Variants in SERPINB12 observed in about 807,000 individuals in gnomAD.
SERPINB12 encodes the protein serpin family B member 12, also known as serpin B12.
In SERPINB12, 57 loss-of-function variants were observed where a neutral mutation model predicts 41.1. The observed-to-expected ratio is 1.39, with a 90% CI of 1.12 to 1.73. SERPINB12 has a LOEUF of 1.73. SERPINB12 is among the 40% of genes most tolerant of loss of function. SERPINB12 has a pLI of 0.00. For missense variants in SERPINB12, 536 were observed against 501.9 expected (o/e 1.07, Z -0.65); for synonymous variants, 180 against 181.3 (o/e 0.99, Z 0.06).
the SERPINB12 span, among the ~76,000 whole-genome samples, chr18:63,528,698 T>C: frequency 6.6e-6 from 1 of 152,096 alleles, no homozygotes; most frequent in Non-Finnish European, 1.5e-5. Flanking sequence ...AACTTAGGCA[T>C]GTAAAAAGAT....
rs529911483 is a variant in SERPINB12, at chr18:63,551,634, C to T, written c.-18-4508C>T. Among the ~76,000 whole-genome samples the T allele has an allele frequency of 2.0e-5, 3 of 152,128 alleles. No individual in the cohort carries two copies. The South Asian group carries it at 6.2e-4, about 32-fold the overall frequency. ...GCTGATGATGGACATTTGCGTTGTT[C>T]CTGAGTTTTGGCTATTATGAAAGTG... On this transcript the variant is annotated intron_variant, in intron 1 of 7. Coordinates refer to ENST00000382768, the MANE Select transcript of SERPINB12 (RefSeq NM_001307928.2).
At chr18:63,523,766 A>C in the SERPINB12 span, among the ~76,000 whole-genome samples, 1 of 152,190 alleles carries the variant, frequency 6.6e-6, no homozygotes, top group Admixed American at 6.5e-5. Context: ...ATGGAAAAAA[A>C]AGTTATAGGA....
At position 63,558,578 on chromosome 18, in the gene SERPINB12, A is replaced by G. The variant is rs1034783252; in HGVS notation, c.303+92A>G. ...ATTTGGTGATAGTTGCTTATCCCCA[A>G]ATATTAGACTCTGGATACCATCAAC... On this transcript the variant is annotated intron_variant, in intron 3 of 7. Coordinates refer to ENST00000382768, the MANE Select transcript of SERPINB12 (RefSeq NM_001307928.2). The G allele has an allele frequency of 2.8e-5, 38 of 1,340,392 alleles. No homozygotes were observed. The South Asian group carries it at 5.6e-4, about 20-fold the overall frequency. The allele number at this position is 1,340,392 out of a possible 1,614,324, so 83.0% of individuals were successfully genotyped here.
At chr18:63,524,548 C>T in the SERPINB12 span, among the ~76,000 whole-genome samples, 2 of 152,080 alleles carry the variant, frequency 1.3e-5, no homozygotes, top group Non-Finnish European at 2.9e-5. Context: ...CTTCAGCCTC[C>T]TAAAATTGCT....
At chr18:63,549,885 G>A (rs541189532) in intron 1 of SERPINB12, among the ~76,000 whole-genome samples, 2 of 152,302 alleles carry the variant, frequency 1.3e-5, no homozygotes, top group African/African-American at 2.4e-5. Context: ...CTGCTCCAGA[G>A]GGTGGCCTGG....
chr18:63,527,801 T>C, the SERPINB12 span, among the ~76,000 whole-genome samples: 1 of 152,178 alleles, frequency 6.6e-6, no homozygotes, highest in Non-Finnish European at 1.5e-5. Flanking sequence ...TCAAGTAGAA[T>C]CAACATCAAT....
chr18:63,534,426 A>C, the SERPINB12 span, among the ~76,000 whole-genome samples: 1 of 152,176 alleles, frequency 6.6e-6, no homozygotes, highest in African/African-American at 2.4e-5. Flanking sequence ...TTATCACACA[A>C]AAGGACCAGA....
At chr18:63,540,249 G>A (rs1910246547), upstream of SERPINB12, among the ~76,000 whole-genome samples, 1 of 152,148 alleles carries the variant, frequency 6.6e-6, no homozygotes, top group African/African-American at 2.4e-5. Flanking sequence ...CTAGGTTTTA[G>A]GAGAGGAAAA....
the SERPINB12 span, among the ~76,000 whole-genome samples, chr18:63,523,068 G>T: frequency 1.3e-5 from 2 of 151,694 alleles, no homozygotes; most frequent in Non-Finnish European, 2.9e-5. Context: ...GATGTTCCAG[G>T]GTCCTCTGGA....
chr18:63,525,965 AC>A, the SERPINB12 span, among the ~76,000 whole-genome samples: 2 of 152,192 alleles, frequency 1.3e-5, no homozygotes, highest in African/African-American at 4.8e-5. Flanking sequence ...CTGGATTTAT[AC>A]TTTCATTACT....
chr18:63,550,697 T>G (rs916108722), intron 1 of SERPINB12, among the ~76,000 whole-genome samples: 1 of 152,208 alleles, frequency 6.6e-6, no homozygotes, highest in African/African-American at 2.4e-5. Flanking sequence ...TCACAAGAGC[T>G]GATTTTGTGC....
At chr18:63,525,457 C>A in the SERPINB12 span, among the ~76,000 whole-genome samples, 1 of 152,150 alleles carries the variant, frequency 6.6e-6, no homozygotes, top group South Asian at 2.1e-4. Flanking sequence ...TCTCATACAA[C>A]AATTTTTAAT....
the SERPINB12 span, among the ~76,000 whole-genome samples, chr18:63,522,358 C>T: frequency 4.6e-5 from 7 of 152,074 alleles, no homozygotes; most frequent in Non-Finnish European, 1.0e-4. Flanking sequence ...AGAACATTCA[C>T]AAATAGTTTC....
intron 6 of SERPINB12, 77 bp from the exon 7 acceptor site, chr18:63,565,368 C>G: frequency 7.3e-7 from 1 of 1,361,708 alleles, no homozygotes; most frequent in East Asian, 2.3e-5. Flanking sequence ...GAACCCCTGT[C>G]CTCCGTGAAG....
the SERPINB12 span, among the ~76,000 whole-genome samples, chr18:63,529,859 A>G: frequency 3.9e-5 from 6 of 152,214 alleles, no homozygotes; most frequent in Admixed American, 3.9e-4. Context: ...CTCTGTTCAA[A>G]TTAAAGAACT....
chr18:63,559,073 C>CTACTT (rs1568129405), intron 3 of SERPINB12, among the ~76,000 whole-genome samples: 1 of 125,612 alleles, frequency 8.0e-6, no homozygotes, highest in East Asian at 2.3e-4. Context: ...CTTCTTCTCT[C>CTACTT]CTTCTCTCCT....
At chr18:63,562,935 A>G (rs986841912) in intron 5 of SERPINB12, among the ~76,000 whole-genome samples, 2 of 152,160 alleles carry the variant, frequency 1.3e-5, no homozygotes, top group East Asian at 1.9e-4. Flanking sequence ...TAAAGGTGGG[A>G]TATTGCCCGC....
chr18:63,536,720 T>C, the SERPINB12 span, among the ~76,000 whole-genome samples: 5 of 152,304 alleles, frequency 3.3e-5, no homozygotes, highest in African/African-American at 1.2e-4. Flanking sequence ...GTTGAGAGCA[T>C]TTGTGTGCTA....
chr18:63,537,095 T>C, the SERPINB12 span, among the ~76,000 whole-genome samples: 1 of 152,186 alleles, frequency 6.6e-6, no homozygotes, highest in Non-Finnish European at 1.5e-5. Context: ...AATAATTAAA[T>C]ATGTTATCAA....
Sources: allele counts gnomAD v4.1 joint callset (sites outside exome capture counted in the v4.1 genomes callset), GRCh38; gene constraint gnomAD v4.1.1; transcripts MANE v1.5; gene names NCBI Gene and HGNC (gene_info 2026-07-23, HGNC 2026-07-21).